TDRD1: variants seen among roughly 807,000 people sequenced by gnomAD.
The protein encoded by TDRD1 is tudor domain containing 1.
A neutral mutation model predicts 140.6 loss-of-function variants in TDRD1; 37 were observed. That is an observed-to-expected ratio of 0.26 (90% CI 0.20 to 0.35). The LOEUF is 0.35. Among genes scored for constraint, TDRD1 ranks in the 10% least tolerant of loss-of-function variants. TDRD1 has a pLI of 1.00. For synonymous variants in TDRD1, 506 were observed against 475.7 expected, an observed-to-expected ratio of 1.06 and a Z score of -0.83; for missense variants, 1,243 against 1,393.0, an observed-to-expected ratio of 0.89 and a Z score of 1.71.
chr10:114,220,832 A>G (rs766823945), exon 19 of TDRD1: 1 of 1,607,240 alleles, frequency 6.2e-7, no homozygotes, highest in South Asian at 1.1e-5. Context: ...GTTCATGTAC[A>G]GGGACTTCAA....
intron 4 of TDRD1, among the ~76,000 whole-genome samples, chr10:114,201,065 A>T (rs1040021450): frequency 6.6e-6 from 1 of 151,224 alleles, no homozygotes; most frequent in Non-Finnish European, 1.5e-5. Context: ...CATGTTGGCC[A>T]GGCTGGTCTC....
At chr10:114,180,349 A>G (rs1206629035) in intron 1 of TDRD1, among the ~76,000 whole-genome samples, 1 of 152,228 alleles carries the variant, frequency 6.6e-6, no homozygotes, top group East Asian at 1.9e-4. Flanking sequence ...AATCCTAGAA[A>G]GATGAAGTGA....
chr10:114,223,963 C>G (rs962919022), intron 21 of TDRD1, among the ~76,000 whole-genome samples: 3 of 152,162 alleles, frequency 2.0e-5, no homozygotes, highest in Non-Finnish European at 4.4e-5. Context: ...TCAGCCCTGA[C>G]CCTGTTGTTT....
upstream of TDRD1, among the ~76,000 whole-genome samples, chr10:114,177,122 G>A (rs149234544): frequency 6.3e-3 from 954 of 152,218 alleles, 11 homozygotes; most frequent in African/African-American, 0.022. Context: ...ATCCGAGTCC[G>A]TTATTAAATT....
intron 11 of TDRD1, among the ~76,000 whole-genome samples, chr10:114,209,941 T>A (rs1431131733): frequency 6.6e-6 from 1 of 152,250 alleles, no homozygotes; most frequent in Non-Finnish European, 1.5e-5. Flanking sequence ...TAAGTCTTGA[T>A]GCTAAAAATA....
Position 114,192,267 on chromosome 10 carries a change from T to C in TDRD1, c.384+1248T>C, listed in dbSNP as rs557279478. Among the ~76,000 whole-genome samples, 6 of 148,252 alleles carry C rather than the reference T, an allele frequency of 4.0e-5. No individual in the cohort carries two copies. In the East Asian group the frequency reaches 7.7e-4, roughly 19 times the overall value. On this transcript the variant is annotated intron_variant, in intron 3 of 25. Transcript: ENST00000251864. ...TGGATCCTGAAAATGTTCATTTTTT[T>C]CCCCAAAAAAGTTTGATAGTTTTCC... is the stretch of plus-strand genomic sequence containing the variant.
intron 2 of TDRD1, among the ~76,000 whole-genome samples, chr10:114,188,499 A>C (rs1401549087): frequency 6.6e-6 from 1 of 152,330 alleles, no homozygotes; most frequent in East Asian, 1.9e-4. Flanking sequence ...TATATCGCAA[A>C]GATATAGCTA....
rs572091017 is a variant in TDRD1 at position 114,212,929 on chromosome 10, A to T, written c.1832-417A>T. 1.4e-4 allele frequency among the ~76,000 whole-genome samples: 22 copies of T among 152,334 alleles called. No homozygotes were observed. The South Asian group carries it at 4.6e-3, about 32-fold the overall frequency. ...CACCCTGGTATGGTCTCTCGTGCCT[A>T]TTAATGGTTAGTCCTTGCTCCCCAG... On this transcript the variant is annotated intron_variant, in intron 14 of 25. Coordinates refer to ENST00000251864, the Ensembl canonical transcript of TDRD1.
In TDRD1 at chr10:114,213,600, G is replaced by T; in HGVS notation, c.2074+12G>T. ...GAAAGAAACCAGTGGTAAGTCAAAT[G>T]TTTACTGGATAATGCCTGTTCTGGA... On this transcript the variant is annotated intron_variant, in intron 15 of 25. Coordinates refer to ENST00000251864, the Ensembl canonical transcript of TDRD1. The T allele has an allele frequency of 1.2e-6, 2 of 1,611,732 alleles. No individual in the cohort carries two copies. Among genetic ancestry groups the T allele is most frequent in the Non-Finnish European group, 1.7e-6 (2 of 1,178,166 alleles).
At chr10:114,183,145 G>T (rs1221248968) in intron 1 of TDRD1, among the ~76,000 whole-genome samples, 2 of 152,130 alleles carry the variant, frequency 1.3e-5, no homozygotes, top group African/African-American at 2.4e-5. Context: ...ATAGGTAACT[G>T]TAATACAGGG....
chr10:114,228,098 T>A, exon 25 of TDRD1: 7 of 1,601,000 alleles, frequency 4.4e-6, no homozygotes, highest in Non-Finnish European at 6.0e-6. Flanking sequence ...TCAAAATAAA[T>A]TTATTGAAAT....
chr10:114,202,937 T>C (rs2034857514), intron 6 of TDRD1, 135 bp from the exon 7 acceptor site: 3 of 672,822 alleles, frequency 4.5e-6, no homozygotes, highest in African/African-American at 1.8e-5. Context: ...CTTGGAGGCC[T>C]TCCCTATTTC....
exon 17 of TDRD1, chr10:114,217,627 A>G: frequency 6.2e-7 from 1 of 1,604,604 alleles, no homozygotes; most frequent in South Asian, 1.1e-5. Flanking sequence ...AGGCAGAGAT[A>G]GGACAACCTT....
intron 1 of TDRD1, among the ~76,000 whole-genome samples, chr10:114,184,963 T>C (rs1050982501): frequency 6.6e-6 from 1 of 152,142 alleles, no homozygotes; most frequent in Non-Finnish European, 1.5e-5. Context: ...ATACTCAGTG[T>C]TGAAAAAAAG....
intron 22 of TDRD1, 89 bp from the exon 23 acceptor site, chr10:114,226,983 T>C (rs1161165689): frequency 3.6e-5 from 26 of 724,188 alleles, no homozygotes; most frequent in Admixed American, 8.7e-5. Flanking sequence ...TGAAGTCCAG[T>C]AAGCCTTTTG....
At chr10:114,199,314 T>C (rs1489870046) in exon 4 of TDRD1, 1 of 1,601,360 alleles carries the variant, frequency 6.2e-7, no homozygotes, top group Non-Finnish European at 8.5e-7. Context: ...CTGTGGCCTA[T>C]TTGGTAAGCA....
At chr10:114,209,209 C>G (rs952720649) in intron 11 of TDRD1, among the ~76,000 whole-genome samples, 5 of 152,114 alleles carry the variant, frequency 3.3e-5, no homozygotes, top group Admixed American at 2.0e-4. Flanking sequence ...CCAGCATGGG[C>G]AACATAGCAA....
chr10:114,210,066 G>A (rs1001254438), intron 11 of TDRD1, among the ~76,000 whole-genome samples: 1 of 151,992 alleles, frequency 6.6e-6, no homozygotes, highest in Non-Finnish European at 1.5e-5. Context: ...TAAACTCTTA[G>A]GTTAGCCCTA....
chr10:114,205,615 G>C (rs1168187890), intron 10 of TDRD1, among the ~76,000 whole-genome samples: 1 of 152,144 alleles, frequency 6.6e-6, no homozygotes, highest in African/African-American at 2.4e-5. Flanking sequence ...ATATTTGTGA[G>C]GTGGTAAACA....
Sources: allele counts gnomAD v4.1 joint callset (sites outside exome capture counted in the v4.1 genomes callset), GRCh38; gene constraint gnomAD v4.1.1; transcripts MANE v1.5; gene names NCBI Gene and HGNC (gene_info 2026-07-23, HGNC 2026-07-21).